Variants in ZNF292 observed in about 807,000 individuals in gnomAD.
ZNF292 encodes the protein zinc finger protein 292.
ZNF292 carries 26 observed loss-of-function variants against 217.9 expected under a neutral mutation model. The ratio of observed to expected loss-of-function variants is 0.12; its 90% CI spans 0.09 to 0.17. The LOEUF (loss-of-function observed/expected upper bound fraction) is 0.17, where lower values mean the gene tolerates loss of function less well. Among genes scored for constraint, ZNF292 ranks in the 10% least tolerant of loss-of-function variants. The pLI, the probability that ZNF292 is intolerant of heterozygous loss-of-function variation, is 1.00. For synonymous variants in ZNF292, 1,257 were observed against 1,124.1 expected, an observed-to-expected ratio of 1.12 and a Z score of -2.37; for missense variants, 2,904 against 3,175.2, an observed-to-expected ratio of 0.91 and a Z score of 2.05.
chr6:87,250,931 C>G (rs1240752451), intron 7 of ZNF292, among the ~76,000 whole-genome samples: 1 of 152,146 alleles, frequency 6.6e-6, no homozygotes, highest in Non-Finnish European at 1.5e-5. Flanking sequence ...AGAGTGGAAT[C>G]TTGAATATCC....
At chr6:87,165,029 C>T (rs1221408783) in intron 1 of ZNF292, among the ~76,000 whole-genome samples, 1 of 151,908 alleles carries the variant, frequency 6.6e-6, no homozygotes, top group Non-Finnish European at 1.5e-5. Context: ...TCCCAAAGTG[C>T]CGGGATTACA....
chr6:87,203,600 G>T lies in ZNF292; in HGVS notation c.169-12303G>T, dbSNP rs190765961. On this transcript the variant is annotated intron_variant, in intron 1 of 7. Coordinates refer to ENST00000369577, the MANE Select transcript of ZNF292 (RefSeq NM_015021.3). ...CAAAGCAAGGTATGTATCTGCAAGGGGGGGTGGGGTGCTGCAATGGCCCAG... is the reference window on the plus strand; with the variant it reads ...CAAAGCAAGGTATGTATCTGCAAGGTGGGGTGGGGTGCTGCAATGGCCCAG... Among the ~76,000 whole-genome samples the T allele has an allele frequency of 6.0e-3, 918 of 152,070 alleles. 14 individuals carry two copies. The highest frequency in any genetic ancestry group is 0.021 in the African/African-American group (882 of 41,472).
intron 4 of ZNF292, among the ~76,000 whole-genome samples, chr6:87,229,257 T>G (rs1773525492): frequency 6.6e-6 from 1 of 152,202 alleles, no homozygotes; most frequent in Non-Finnish European, 1.5e-5. Context: ...ATGTGTGGAT[T>G]TTTATATCTT....
intron 1 of ZNF292, among the ~76,000 whole-genome samples, chr6:87,198,398 G>GTTTC (rs1449395237): frequency 6.6e-6 from 1 of 152,056 alleles, no homozygotes; most frequent in Non-Finnish European, 1.5e-5. Context: ...TAGAGACAGG[G>GTTTC]TTTCACTGTG....
intron 1 of ZNF292, among the ~76,000 whole-genome samples, chr6:87,177,273 GCCGAGATCGCA>G (rs1771332640): frequency 6.6e-6 from 1 of 151,008 alleles, no homozygotes; most frequent in Admixed American, 6.6e-5. Flanking sequence ...TTTGCAGTGA[GCCGAGATCGCA>G]CCACTGTACT....
At chr6:87,214,850 G>C (rs572337132) in intron 1 of ZNF292, 1 of 152,204 alleles carries the variant, frequency 6.6e-6, no homozygotes, top group East Asian at 1.9e-4. Flanking sequence ...TTGGAAGTTA[G>C]TAGAGAGGTC....
rs1012569931 is a variant in ZNF292 at position 87,265,659 on chromosome 6, A to G, written c.*3858A>G. 6.6e-6 allele frequency among the ~76,000 whole-genome samples: 1 copy of G among 152,232 alleles called. No homozygotes were observed. Among genetic ancestry groups the G allele is most frequent in the East Asian group, 1.9e-4 (1 of 5,198 alleles). ...TCTTTTAATGTTAATACTTAGTTATATCCCACTGAACTAGCATTCTAAAGA... is the reference window on the plus strand; with the variant it reads ...TCTTTTAATGTTAATACTTAGTTATGTCCCACTGAACTAGCATTCTAAAGA... On this transcript the variant is annotated 3_prime_UTR_variant, in exon 8 of 8. Coordinates refer to ENST00000369577, the MANE Select transcript of ZNF292 (RefSeq NM_015021.3).
At position 87,254,838 on chromosome 6, in the gene ZNF292, T is replaced by C; in HGVS notation, c.1209T>C (p.Tyr403=). ...EFLIEPTVDA[Y]YAVEMLYNQP... ...TTATTGAGCCTACAGTAGATGCGTA[T>C]TATGCTGTGGAAATGTTGTATAATC... Residue 403 remains tyrosine, a synonymous_variant, in exon 8 of 8, where the codon TAT becomes TAC. Transcript: ENST00000369577. 6.2e-7 allele frequency: 1 copy of C among 1,613,852 alleles called. No homozygotes were observed. Among genetic ancestry groups the C allele is most frequent in the Non-Finnish European group, 8.5e-7 (1 of 1,179,816 alleles).
At position 87,255,641 on chromosome 6, in the gene ZNF292, C is replaced by T. The variant is rs1582514739; in HGVS notation, c.2012C>T (p.Pro671Leu). Residue 671 changes from proline (P) to leucine (L), a missense_variant, in exon 8 of 8, where the codon CCA becomes CTA. Physicochemically the swap from Pro to Leu is moderately conservative, Grantham distance 98. Coordinates refer to ENST00000369577, the MANE Select transcript of ZNF292 (RefSeq NM_015021.3). ...KDKSYEPEVI[P>L]VQKPVPVNEF... ...AAATCCTATGAGCCAGAAGTGATTC[C>T]AGTCCAGAAACCAGTACCTGTTAAT... is the stretch of plus-strand genomic sequence containing the variant. The T allele has an allele frequency of 1.2e-6, 2 of 1,612,906 alleles. No individual in the cohort carries two copies. Among genetic ancestry groups the T allele is most frequent in the Non-Finnish European group, 1.7e-6 (2 of 1,179,388 alleles).
intron 1 of ZNF292, among the ~76,000 whole-genome samples, chr6:87,197,578 T>TA (rs758684757): frequency 1.4e-3 from 214 of 148,924 alleles, no homozygotes; most frequent in Middle Eastern, 6.9e-3. Context: ...CTACTAAAAA[T>TA]AAAAAAAAAT....
At position 87,155,608 on chromosome 6, in the gene ZNF292, C is replaced by T. The variant is rs936204691; in HGVS notation, c.17C>T (p.Ala6Val). Residue 6 changes from alanine (A) to valine (V), a missense_variant, in exon 1 of 8, where the codon GCC (alanine) becomes GTC (valine). Ala to Val is a moderately conservative substitution (Grantham distance 64). This residue lies in a region of ZNF292 where 66 missense variants were observed against 44.1 expected (regional missense o/e 1.50). Transcript: ENST00000369577. ...GGTGTGAAGATGGCGGACGAAGAGG[C>T]CGAGCAGGAGAGGTTGAGTTGCGGC... MADEE[A>V]EQERLSCGEG... 1 of 1,581,346 alleles carries T rather than the reference C, an allele frequency of 6.3e-7. No individual in the cohort carries two copies. The highest frequency in any genetic ancestry group is 8.6e-7 in the Non-Finnish European group (1 of 1,164,788).
chr6:87,251,193 A>G (rs1168988059), intron 7 of ZNF292, among the ~76,000 whole-genome samples: 1 of 152,250 alleles, frequency 6.6e-6, no homozygotes, highest in African/African-American at 2.4e-5. Context: ...AGAGGAAACT[A>G]GAACAGATGA....
chr6:87,155,948 C>T (rs912536612), intron 1 of ZNF292, among the ~76,000 whole-genome samples, 189 bp downstream of exon 1: 4 of 152,246 alleles, frequency 2.6e-5, no homozygotes, highest in Non-Finnish European at 4.4e-5. Context: ...TCGTCTGCAG[C>T]TCCTGGCTGG....
Position 87,257,515 on chromosome 6 carries a change from C to G in ZNF292, c.3886C>G (p.His1296Asp). 6.2e-7 allele frequency: 1 copy of G among 1,609,496 alleles called. No individual in the cohort carries two copies. Among genetic ancestry groups the G allele is most frequent in the Non-Finnish European group, 8.5e-7 (1 of 1,177,626 alleles). ...VFSQLENNTN[H>D]YSSQIEGNTN... The stretch of plus-strand genomic sequence containing the variant: ...TTCCCAACTGGAAAATAATACAAAT[C>G]ATTATTCCTCACAGATTGAAGGAAA... Residue 1296 changes from histidine to aspartate, a missense_variant, in exon 8 of 8, where the codon CAT becomes GAT. Around this residue, in one of 15 missense-constraint regions of ZNF292, gnomAD observed 687 missense variants for 623.0 expected, o/e 1.10. Coordinates refer to ENST00000369577, the MANE Select transcript of ZNF292 (RefSeq NM_015021.3).
At chr6:87,174,128 G>C (rs1321407467) in intron 1 of ZNF292, 1 of 156,646 alleles carries the variant, frequency 6.4e-6, no homozygotes, top group African/African-American at 2.5e-5. Flanking sequence ...TCTCTGCAAT[G>C]CCAGTGTATT....
chr6:87,156,384 T>C (rs1213199875), intron 1 of ZNF292, among the ~76,000 whole-genome samples: 1 of 152,198 alleles, frequency 6.6e-6, no homozygotes, highest in Non-Finnish European at 1.5e-5. Flanking sequence ...TGGCGGAGGT[T>C]GTCCCCTCCT....
rs961189627 is a variant in ZNF292, at chr6:87,264,339, A to G, written c.*2538A>G. On this transcript the variant is annotated 3_prime_UTR_variant, in exon 8 of 8. Transcript: ENST00000369577. ...GTCAGAATTGTATTATTCAAAATAC[A>G]TCACCTTAAGTGAAATGTAACAGTT... 1.3e-5 allele frequency: 2 copies of G among 152,260 alleles called. No individual in the cohort carries two copies. The highest frequency in any genetic ancestry group is 2.9e-5 in the Non-Finnish European group (2 of 68,050). 9.4% of individuals were successfully genotyped at this position (152,260 alleles called of 1,614,324 possible). A position where few individuals can be genotyped will look rare whatever the true frequency, so the allele number is the denominator to read the frequency against.
chr6:87,162,427 T>G (rs1452415517), intron 1 of ZNF292, among the ~76,000 whole-genome samples: 1 of 152,216 alleles, frequency 6.6e-6, no homozygotes, highest in Non-Finnish European at 1.5e-5. Flanking sequence ...TTTTGACTAT[T>G]AGAGGCTATC....
At chr6:87,159,473 C>T (rs1197251500) in intron 1 of ZNF292, among the ~76,000 whole-genome samples, 2 of 149,252 alleles carry the variant, frequency 1.3e-5, no homozygotes, top group African/African-American at 4.9e-5. Flanking sequence ...AGTGATCCTC[C>T]TGTCTCAGCT....
Sources: allele counts gnomAD v4.1 joint callset (sites outside exome capture counted in the v4.1 genomes callset), GRCh38; gene constraint gnomAD v4.1.1; regional missense constraint gnomAD v4.1.1; transcripts MANE v1.5; gene names NCBI Gene and HGNC (gene_info 2026-07-23, HGNC 2026-07-21).